The following KIAA1328 variants were observed in gnomAD, a reference collection of about 807,000 sequenced individuals.
KIAA1328 encodes KIAA1328.
Under a neutral mutation model 68.1 loss-of-function variants are expected in KIAA1328, and 52 were observed. That is an observed-to-expected ratio of 0.76 (90% CI 0.61 to 0.96). The LOEUF (loss-of-function observed/expected upper bound fraction) is 0.96, where lower values mean the gene tolerates loss of function less well. Among genes scored for constraint, KIAA1328 ranks in the 40% least tolerant of loss-of-function variants. KIAA1328 has a pLI of 0.00. For missense variants in KIAA1328, 641 were observed against 677.6 expected, an observed-to-expected ratio of 0.95 and a Z score of 0.60; for synonymous variants, 232 against 239.4, an observed-to-expected ratio of 0.97 and a Z score of 0.28.
chr18:37,032,078 G>A (rs545271643), intron 6 of KIAA1328, among the ~76,000 whole-genome samples: 2 of 152,300 alleles, frequency 1.3e-5, no homozygotes, highest in South Asian at 4.2e-4. Flanking sequence ...TACTGAGGAG[G>A]CTGAGGCAGG....
intron 5 of KIAA1328, among the ~76,000 whole-genome samples, chr18:36,893,465 T>TTTGTGTGTGTGTGTG (rs1556812093): frequency 4.0e-4 from 48 of 120,650 alleles, no homozygotes; most frequent in Admixed American, 7.4e-4. Flanking sequence ...GTGTGTGTTT[T>TTTGTGTGTGTGTGTG]TGTGTGTGTG....
intron 6 of KIAA1328, among the ~76,000 whole-genome samples, chr18:36,977,759 T>C (rs2052526729): frequency 1.3e-5 from 2 of 152,116 alleles, no homozygotes; most frequent in South Asian, 4.1e-4. Context: ...TCATACTCAC[T>C]GTGAAGGTTT....
intron 5 of KIAA1328, among the ~76,000 whole-genome samples, chr18:36,955,394 C>G (rs1370893013): frequency 6.6e-6 from 1 of 151,270 alleles, no homozygotes; most frequent in Non-Finnish European, 1.5e-5. Context: ...ACTGCAACCT[C>G]CATCTCCTGG....
chr18:36,919,090 G>T (rs1412307826), intron 5 of KIAA1328, among the ~76,000 whole-genome samples: 1 of 152,132 alleles, frequency 6.6e-6, no homozygotes, highest in African/African-American at 2.4e-5. Flanking sequence ...GTACTTGATA[G>T]TGTCATTTGA....
At chr18:37,070,678 C>A (rs1178030017) in intron 7 of KIAA1328, among the ~76,000 whole-genome samples, 4 of 151,270 alleles carry the variant, frequency 2.6e-5, no homozygotes. Context: ...TCAAGCAATT[C>A]TCCTGCCTCA....
intron 7 of KIAA1328, among the ~76,000 whole-genome samples, chr18:37,095,154 A>G (rs1020775588): frequency 6.6e-6 from 1 of 152,218 alleles, no homozygotes; most frequent in Non-Finnish European, 1.5e-5. Flanking sequence ...TCAACACTCC[A>G]CTTTCAGCAT....
intron 7 of KIAA1328, among the ~76,000 whole-genome samples, chr18:37,133,281 G>C (rs2058565182): frequency 1.3e-5 from 2 of 151,280 alleles, no homozygotes; most frequent in Admixed American, 1.3e-4. Flanking sequence ...GCAGTGAGTG[G>C]AGGTCACGCC....
At chr18:36,977,972 T>C (rs1389727160) in intron 6 of KIAA1328, among the ~76,000 whole-genome samples, 1 of 151,794 alleles carries the variant, frequency 6.6e-6, no homozygotes, top group Non-Finnish European at 1.5e-5. Flanking sequence ...TTAGTAGAGG[T>C]TGGGTTTTGC....
chr18:36,997,105 A>G (rs1363910862), intron 6 of KIAA1328, among the ~76,000 whole-genome samples: 1 of 151,088 alleles, frequency 6.6e-6, no homozygotes, highest in Non-Finnish European at 1.5e-5. Context: ...CTCCATCCCC[A>G]CCTGTGAAAA....
At chr18:36,972,674 A>G (rs2052275592) in intron 6 of KIAA1328, among the ~76,000 whole-genome samples, 1 of 152,230 alleles carries the variant, frequency 6.6e-6, no homozygotes, top group Admixed American at 6.5e-5. Context: ...ATCAGCTTCA[A>G]TGATGGCATT....
intron 7 of KIAA1328, among the ~76,000 whole-genome samples, chr18:37,082,797 A>G (rs1307584185): frequency 1.3e-5 from 2 of 152,234 alleles, no homozygotes; most frequent in Non-Finnish European, 2.9e-5. Context: ...AGATTTATCC[A>G]GAATATTATT....
chr18:36,880,902 T>A (rs1485297182), intron 4 of KIAA1328, among the ~76,000 whole-genome samples: 1 of 152,208 alleles, frequency 6.6e-6, no homozygotes, highest in Non-Finnish European at 1.5e-5. Context: ...GTTAATCAAA[T>A]CTTGCCTTCC....
chr18:36,978,193 T>G (rs2052546159), intron 6 of KIAA1328, among the ~76,000 whole-genome samples: 2 of 152,208 alleles, frequency 1.3e-5, no homozygotes, highest in South Asian at 4.1e-4. Context: ...TATGCTTTGT[T>G]CCTCCAGCAG....
At chr18:36,916,777 TTTTA>T (rs1402813805) in intron 5 of KIAA1328, among the ~76,000 whole-genome samples, 1 of 152,176 alleles carries the variant, frequency 6.6e-6, no homozygotes, top group African/African-American at 2.4e-5. Context: ...AGCTGCCATT[TTTTA>T]TTTGTTTGTT....
intron 7 of KIAA1328, among the ~76,000 whole-genome samples, chr18:37,145,480 G>A (rs562075097): frequency 6.6e-6 from 1 of 152,102 alleles, no homozygotes; most frequent in Non-Finnish European, 1.5e-5. Flanking sequence ...CAATAGTATT[G>A]TTCACTTCTT....
chr18:36,907,456 A>G (rs2151055837), intron 5 of KIAA1328, among the ~76,000 whole-genome samples: 1 of 152,248 alleles, frequency 6.6e-6, no homozygotes, highest in South Asian at 2.1e-4. Context: ...TAGATTAAGG[A>G]AGTTCTTTTC....
At chr18:37,229,587 C>G (rs1438273706), downstream of KIAA1328, 2 of 1,277,018 alleles carry the variant, frequency 1.6e-6, no homozygotes, top group Non-Finnish European at 1.0e-6. Flanking sequence ...CAAGAAGTAT[C>G]AAGTCCATCC....
chr18:37,165,586 ATT>A (rs767099970), intron 8 of KIAA1328, among the ~76,000 whole-genome samples: 22 of 125,976 alleles, frequency 1.7e-4, no homozygotes, highest in Non-Finnish European at 1.9e-4. Flanking sequence ...CACCCGGCTA[ATT>A]TTTTTTTTTT....
chr18:37,014,513 T>C (rs1438672525), intron 6 of KIAA1328, among the ~76,000 whole-genome samples: 1 of 152,162 alleles, frequency 6.6e-6, no homozygotes, highest in African/African-American at 2.4e-5. Flanking sequence ...GGGTAATTTA[T>C]AAAGAAGAGT....
Sources: allele counts gnomAD v4.1 joint callset (sites outside exome capture counted in the v4.1 genomes callset), GRCh38; gene constraint gnomAD v4.1.1; transcripts MANE v1.5; gene names NCBI Gene and HGNC (gene_info 2026-07-23, HGNC 2026-07-21).